The following OCA2 variants were observed in gnomAD, a reference collection of about 807,000 sequenced individuals.
OCA2 encodes OCA2 melanosomal transmembrane protein.
A neutral mutation model predicts 100.2 loss-of-function variants in OCA2; 77 were observed. That is an observed-to-expected ratio of 0.77 (90% CI 0.64 to 0.93). The LOEUF (loss-of-function observed/expected upper bound fraction) is 0.93. OCA2 is among the 40% of genes least tolerant of loss of function. OCA2 has a pLI of 0.00. For synonymous variants in OCA2, 432 were observed against 439.2 expected (o/e 0.98, Z 0.21); for missense variants, 1,062 against 1,089.1 (o/e 0.98, Z 0.35).
At chr15:27,792,556 T>C (rs1055971002) in intron 23 of OCA2, among the ~76,000 whole-genome samples, 63 of 152,256 alleles carry the variant, frequency 4.1e-4, no homozygotes, top group Admixed American at 1.7e-3. Context: ...ACGAGCCACA[T>C]GGCCCCCTGC....
intron 19 of OCA2, among the ~76,000 whole-genome samples, chr15:27,921,372 G>GTATTTT (rs2038853284): frequency 7.0e-6 from 1 of 143,592 alleles, no homozygotes; most frequent in Admixed American, 6.9e-5. Flanking sequence ...ATTTTAAAAA[G>GTATTTT]ACAAAATAAA....
intron 5 of OCA2, among the ~76,000 whole-genome samples, chr15:28,023,655 A>G (rs1369159441): frequency 6.6e-6 from 1 of 152,116 alleles, no homozygotes; most frequent in Non-Finnish European, 1.5e-5. Context: ...TCACAGCAGC[A>G]CCTACCACCC....
At chr15:27,804,734 TG>T (rs1282533131) in intron 23 of OCA2, among the ~76,000 whole-genome samples, 1 of 152,152 alleles carries the variant, frequency 6.6e-6, no homozygotes, top group Non-Finnish European at 1.5e-5. Context: ...AAAAGAGGGC[TG>T]GGGCGCCCCT....
chr15:27,726,407 A>AG, the OCA2 span, among the ~76,000 whole-genome samples: 1,889 of 152,190 alleles, frequency 0.012, 37 homozygotes, highest in African/African-American at 0.044. Context: ...TAAAAAAGAA[A>AG]TGGTTTAAAA....
intron 9 of OCA2, among the ~76,000 whole-genome samples, chr15:27,995,813 CTT>C (rs768060710): frequency 2.3e-4 from 31 of 136,738 alleles, no homozygotes; most frequent in East Asian, 2.2e-4. Context: ...TTAAGCAACA[CTT>C]TTTTTTTTTT....
intron 2 of OCA2, among the ~76,000 whole-genome samples, chr15:28,053,073 C>T (rs2043566862): frequency 6.6e-6 from 1 of 152,148 alleles, no homozygotes; most frequent in African/African-American, 2.4e-5. Flanking sequence ...AATGGGATTC[C>T]ACTTTCAAAA....
chr15:27,945,769 A>T (rs74005130), intron 18 of OCA2, among the ~76,000 whole-genome samples: 5,955 of 152,226 alleles, frequency 0.039, 406 homozygotes, highest in African/African-American at 0.14. Context: ...ACTGAAATCT[A>T]ATCAAACACA....
chr15:28,057,569 C>A (rs899628846), intron 2 of OCA2, among the ~76,000 whole-genome samples: 1 of 152,132 alleles, frequency 6.6e-6, no homozygotes, highest in African/African-American at 2.4e-5. Context: ...CCCAGAATGT[C>A]TGCTCCCCAC....
chr15:27,744,363 G>A, the OCA2 span, among the ~76,000 whole-genome samples: 1 of 152,188 alleles, frequency 6.6e-6, no homozygotes, highest in African/African-American at 2.4e-5. Context: ...GGCAGGCAGG[G>A]ATGGAGAAAG....
At chr15:27,920,897 A>C (rs1397948743) in intron 19 of OCA2, among the ~76,000 whole-genome samples, 1 of 152,084 alleles carries the variant, frequency 6.6e-6, no homozygotes, top group Non-Finnish European at 1.5e-5. Flanking sequence ...ATAGAAGAAA[A>C]AAGAATGAAG....
rs1209807356 is a variant in OCA2 at position 28,070,456 on chromosome 15, C to G, written c.227+11192G>C. Among the ~76,000 whole-genome samples, 3 of 122,052 alleles carry G rather than the reference C, an allele frequency of 2.5e-5. 1 individual carries two copies. Among genetic ancestry groups the G allele is most frequent in the Non-Finnish European group, 4.7e-5 (3 of 63,680 alleles). The allele number at this position is 122,052 out of a possible 152,430, so 80.1% of individuals were successfully genotyped here. On this transcript the variant is annotated intron_variant, in intron 2 of 23. Coordinates refer to ENST00000354638, the MANE Select transcript of OCA2 (RefSeq NM_000275.3). Reference sequence around the variant, plus strand: ...GAGGGAGATGGGGGGGTCAGCCCCCCCACCCGGCCAGCCGCCCAGTCCGGG... The same window carrying G: ...GAGGGAGATGGGGGGGTCAGCCCCCGCACCCGGCCAGCCGCCCAGTCCGGG...
At chr15:28,048,247 G>A (rs2043401912) in intron 2 of OCA2, among the ~76,000 whole-genome samples, 1 of 152,090 alleles carries the variant, frequency 6.6e-6, no homozygotes, top group Non-Finnish European at 1.5e-5. Flanking sequence ...GTAAAAGCTG[G>A]TCATCAAATT....
chr15:27,862,710 G>C (rs1215429491), intron 21 of OCA2, among the ~76,000 whole-genome samples: 2 of 152,012 alleles, frequency 1.3e-5, no homozygotes, highest in Admixed American at 6.5e-5. Flanking sequence ...CTTGATCTCA[G>C]GTGATCCACT....
intron 19 of OCA2, among the ~76,000 whole-genome samples, chr15:27,887,183 C>T (rs2037258778): frequency 6.6e-6 from 1 of 152,192 alleles, no homozygotes; most frequent in Non-Finnish European, 1.5e-5. Context: ...CCTGTAAGTC[C>T]ATTAAACCTC....
chr15:28,062,281 C>T (rs1016054169), intron 2 of OCA2, among the ~76,000 whole-genome samples: 2 of 152,214 alleles, frequency 1.3e-5, no homozygotes, highest in African/African-American at 2.4e-5. Context: ...CAAATGGCAT[C>T]TCACTGAGCT....
At chr15:27,766,193 G>A (rs1459626636) in intron 23 of OCA2, among the ~76,000 whole-genome samples, 1 of 152,120 alleles carries the variant, frequency 6.6e-6, no homozygotes, top group African/African-American at 2.4e-5. Flanking sequence ...ATGAAATTAA[G>A]TATAATAATA....
intron 19 of OCA2, among the ~76,000 whole-genome samples, chr15:27,884,299 CGGGGAGTAG>C (rs1157422879): frequency 6.6e-6 from 1 of 152,038 alleles, no homozygotes; most frequent in Non-Finnish European, 1.5e-5. Flanking sequence ...TACTTGGGCC[CGGGGAGTAG>C]AGGTTGCAGT....
At chr15:27,863,054 C>T (rs1263861676) in intron 21 of OCA2, among the ~76,000 whole-genome samples, 1 of 152,206 alleles carries the variant, frequency 6.6e-6, no homozygotes, top group Non-Finnish European at 1.5e-5. Context: ...GCCGAGAAGG[C>T]ACTAACCATC....
chr15:28,026,861 C>A (rs28445577), intron 4 of OCA2, among the ~76,000 whole-genome samples: 2 of 152,176 alleles, frequency 1.3e-5, no homozygotes, highest in Non-Finnish European at 2.9e-5. Context: ...TATTTGATGA[C>A]TAAGTAGTGT....
Sources: allele counts gnomAD v4.1 joint callset (sites outside exome capture counted in the v4.1 genomes callset), GRCh38; gene constraint gnomAD v4.1.1; transcripts MANE v1.5; gene names NCBI Gene and HGNC (gene_info 2026-07-23, HGNC 2026-07-21).